PRKD1: variants seen among roughly 807,000 people sequenced by gnomAD.
PRKD1 encodes the protein protein kinase D1.
PRKD1 carries 63 observed loss-of-function variants against 95.9 expected under a neutral mutation model. The ratio of observed to expected loss-of-function variants is 0.66; its 90% CI spans 0.54 to 0.81. PRKD1 has a LOEUF of 0.81. PRKD1 is among the 30% of genes least tolerant of loss of function. The probability of loss-of-function intolerance (pLI) is 0.00; values close to 1 mark genes in which losing one functional copy is unlikely to be tolerated. For synonymous variants in PRKD1, 425 were observed against 423.1 expected (o/e 1.00, Z -0.05); for missense variants, 1,048 against 1,165.3 (o/e 0.90, Z 1.47).
chr14:29,704,516 A>C (rs569814474), intron 2 of PRKD1, among the ~76,000 whole-genome samples: 1 of 152,286 alleles, frequency 6.6e-6, no homozygotes, highest in South Asian at 2.1e-4. Context: ...ATCCTTCAAA[A>C]AGCCTTCAAA....
intron 2 of PRKD1, among the ~76,000 whole-genome samples, chr14:29,685,628 A>C (rs1883814057): frequency 6.6e-6 from 1 of 152,176 alleles, no homozygotes; most frequent in South Asian, 2.1e-4. Flanking sequence ...AAGGTGATAC[A>C]TTTTTGGAGG....
chr14:29,639,260 T>G (rs1026145919), intron 4 of PRKD1, among the ~76,000 whole-genome samples: 2 of 152,196 alleles, frequency 1.3e-5, no homozygotes, highest in Non-Finnish European at 2.9e-5. Flanking sequence ...TTTTACAGGA[T>G]TACATTCACA....
intron 1 of PRKD1, among the ~76,000 whole-genome samples, chr14:29,838,098 A>G (rs531233005): frequency 1.3e-4 from 20 of 152,294 alleles, no homozygotes; most frequent in East Asian, 3.9e-4. Flanking sequence ...AGAAGACCTC[A>G]GCATGCTTTG....
chr14:29,892,020 T>C (rs45569134), intron 1 of PRKD1, among the ~76,000 whole-genome samples: 5 of 152,224 alleles, frequency 3.3e-5, no homozygotes, highest in African/African-American at 1.2e-4. Context: ...GTATTAATTG[T>C]AGTGACTCCA....
intron 12 of PRKD1, among the ~76,000 whole-genome samples, chr14:29,626,265 C>T (rs1204845552): frequency 6.6e-6 from 1 of 152,078 alleles, no homozygotes; most frequent in East Asian, 1.9e-4. Flanking sequence ...AAATGTTTTT[C>T]AGGAATATGA....
intron 1 of PRKD1, among the ~76,000 whole-genome samples, chr14:29,733,907 AGTAT>A (rs1276482038): frequency 1.3e-5 from 2 of 151,950 alleles, no homozygotes; most frequent in Non-Finnish European, 2.9e-5. Flanking sequence ...TTCTCTCCTA[AGTAT>A]GTTCATGTTT....
intron 16 of PRKD1, among the ~76,000 whole-genome samples, chr14:29,579,697 G>A (rs1194010710): frequency 2.6e-5 from 4 of 152,262 alleles, no homozygotes; most frequent in Middle Eastern, 3.4e-3. Flanking sequence ...TATCTCTATG[G>A]AGCTAATGTT....
At chr14:29,861,580 A>T (rs1364586990) in intron 1 of PRKD1, among the ~76,000 whole-genome samples, 2 of 152,106 alleles carry the variant, frequency 1.3e-5, no homozygotes, top group East Asian at 3.8e-4. Context: ...TATTTTATTT[A>T]AAATGTATAA....
intron 1 of PRKD1, among the ~76,000 whole-genome samples, chr14:29,785,942 A>C (rs934249933): frequency 6.7e-6 from 1 of 148,762 alleles, no homozygotes; most frequent in African/African-American, 2.5e-5. Context: ...AAAGGCTTTC[A>C]GTTTTTCCCC....
chr14:29,821,342 G>A, intron 1 of PRKD1, among the ~76,000 whole-genome samples: 1 of 152,156 alleles, frequency 6.6e-6, no homozygotes, highest in East Asian at 1.9e-4. Context: ...GTAACTCAGA[G>A]TACACAGCTC....
intron 13 of PRKD1, among the ~76,000 whole-genome samples, chr14:29,600,536 C>T (rs748265793): frequency 2.0e-5 from 3 of 152,078 alleles, no homozygotes; most frequent in Non-Finnish European, 2.9e-5. Context: ...GCATCCACAA[C>T]CAAGTGAGTA....
intron 1 of PRKD1, among the ~76,000 whole-genome samples, chr14:29,797,276 C>A (rs1041550937): frequency 1.3e-5 from 2 of 152,056 alleles, no homozygotes; most frequent in African/African-American, 4.8e-5. Flanking sequence ...TATCAGTATG[C>A]CTTGTAAACA....
intron 2 of PRKD1, among the ~76,000 whole-genome samples, chr14:29,698,273 T>C (rs2139318021): frequency 6.6e-6 from 1 of 152,298 alleles, no homozygotes; most frequent in Admixed American, 6.5e-5. Context: ...AAGCAAACTA[T>C]GGATGGTTCT....
intron 4 of PRKD1, among the ~76,000 whole-genome samples, chr14:29,655,242 C>T (rs1175956152): frequency 2.0e-5 from 3 of 152,190 alleles, no homozygotes; most frequent in Non-Finnish European, 4.4e-5. Flanking sequence ...AAAAATTACA[C>T]TCACCTAGCT....
At chr14:29,658,008 C>G (rs1881985820) in intron 4 of PRKD1, 1 of 152,176 alleles carries the variant, frequency 6.6e-6, no homozygotes, top group Non-Finnish European at 1.5e-5. Context: ...GGAAAAATTA[C>G]AACTTTGTTT....
chr14:29,643,315 G>A (rs1009074139), intron 4 of PRKD1, among the ~76,000 whole-genome samples: 2 of 152,036 alleles, frequency 1.3e-5, no homozygotes, highest in African/African-American at 4.8e-5. Context: ...ATATGAGAAC[G>A]TAATGATGAA....
At chr14:29,717,097 G>T (rs554094597) in intron 2 of PRKD1, among the ~76,000 whole-genome samples, 9 of 151,996 alleles carry the variant, frequency 5.9e-5, no homozygotes, top group Non-Finnish European at 1.0e-4. Context: ...TTAACTTTTG[G>T]ATATCATACA....
intron 1 of PRKD1, among the ~76,000 whole-genome samples, chr14:29,843,572 A>G (rs961003644): frequency 6.6e-6 from 1 of 152,326 alleles, no homozygotes; most frequent in African/African-American, 2.4e-5. Context: ...CTAAATGGCT[A>G]GTCAAACATT....
At chr14:29,754,194 G>T (rs996271831) in intron 1 of PRKD1, among the ~76,000 whole-genome samples, 3 of 152,158 alleles carry the variant, frequency 2.0e-5, no homozygotes, top group South Asian at 2.1e-4. Flanking sequence ...TTGAGGTGGT[G>T]GGCATTAAAA....
Sources: gnomAD v4.1 joint callset for allele counts (sites outside exome capture counted in the v4.1 genomes callset) on GRCh38, gnomAD v4.1.1 for gene constraint, MANE v1.5 for transcripts, NCBI Gene and HGNC (gene_info 2026-07-23, HGNC 2026-07-21) for gene names.